Variants in PLCB4 observed in about 807,000 individuals in gnomAD.
PLCB4 encodes the protein 1-phosphatidylinositol 4,5-bisphosphate phosphodiesterase beta-4.
PLCB4 carries 77 observed loss-of-function variants against 178.8 expected under a neutral mutation model. That is an observed-to-expected ratio of 0.43 (90% confidence interval 0.36 to 0.52). PLCB4 has a LOEUF of 0.52. Among genes scored for constraint, PLCB4 ranks in the 20% least tolerant of loss-of-function variants. The probability of loss-of-function intolerance (pLI) is 0.00; values close to 1 mark genes in which losing one functional copy is unlikely to be tolerated. For missense variants in PLCB4, 1,024 were observed against 1,453.4 expected, an observed-to-expected ratio of 0.70 and a Z score of 4.80; for synonymous variants, 496 against 490.8, an observed-to-expected ratio of 1.01 and a Z score of -0.14.
rs188553237 is a variant in PLCB4 at position 9,405,687 on chromosome 20, G to A, written c.1647+339G>A. Among the ~76,000 whole-genome samples the A allele has an allele frequency of 1.5e-3, 235 of 152,302 alleles. No homozygotes were observed. The Middle Eastern group carries it at 0.031, about 20-fold the overall frequency. ...TACATTGACATTCTGGAAGATCACT[G>A]ATTAATTTTACACTGCATAACTTCT... is the stretch of plus-strand genomic sequence containing the variant. On this transcript the variant is annotated intron_variant, in intron 21 of 39. Coordinates refer to ENST00000378473, the MANE Select transcript of PLCB4 (RefSeq NM_001377142.1).
chr20:9,411,238 T>A, intron 25 of PLCB4, 150 bp downstream of exon 25: 1 of 607,498 alleles, frequency 1.6e-6, no homozygotes, highest in South Asian at 2.2e-5. Context: ...TAGAGAATAT[T>A]TGCACATATA....
intron 35 of PLCB4, among the ~76,000 whole-genome samples, chr20:9,463,705 G>A (rs1029959979): frequency 6.6e-6 from 1 of 151,866 alleles, no homozygotes; most frequent in Admixed American, 6.6e-5. Flanking sequence ...AATGGTAAAG[G>A]GATCAATTCA....
intron 2 of PLCB4, among the ~76,000 whole-genome samples, chr20:9,115,683 T>C (rs2091756883): frequency 6.7e-6 from 1 of 150,166 alleles, no homozygotes; most frequent in Non-Finnish European, 1.5e-5. Context: ...GCGGTAAAAC[T>C]TCTTATAGTA....
chr20:9,318,145 A>G (rs35658973), intron 4 of PLCB4, among the ~76,000 whole-genome samples: 18,376 of 151,926 alleles, frequency 0.12, 1,204 homozygotes, highest in South Asian at 0.19. Flanking sequence ...ACAGAGTAAG[A>G]TTCTGTCTCA....
At chr20:9,168,827 G>T (rs1004579217) in intron 2 of PLCB4, among the ~76,000 whole-genome samples, 5 of 152,098 alleles carry the variant, frequency 3.3e-5, no homozygotes, top group Admixed American at 3.3e-4. Flanking sequence ...GTTTTCTCTG[G>T]TAGAAATGTG....
chr20:9,166,095 G>T (rs2147006335), intron 2 of PLCB4, among the ~76,000 whole-genome samples: 1 of 152,274 alleles, frequency 6.6e-6, no homozygotes, highest in African/African-American at 2.4e-5. Flanking sequence ...TTGGAACAGA[G>T]ATTATGAATA....
chr20:9,094,888 C>T (rs1056633540), intron 1 of PLCB4, among the ~76,000 whole-genome samples: 9 of 152,166 alleles, frequency 5.9e-5, no homozygotes, highest in Admixed American at 1.3e-4. Context: ...GTTAGCAGAG[C>T]TTACCTGCAA....
At chr20:9,438,552 A>G (rs1182025938) in intron 30 of PLCB4, among the ~76,000 whole-genome samples, 1 of 152,100 alleles carries the variant, frequency 6.6e-6, no homozygotes, top group East Asian at 1.9e-4. Flanking sequence ...TTGGTTCTGT[A>G]TATCACTGAG....
chr20:9,390,478 C>G (rs976061552), intron 16 of PLCB4, 53 bp from the exon 17 acceptor site: 10 of 840,134 alleles, frequency 1.2e-5, no homozygotes, highest in Non-Finnish European at 2.0e-5. Context: ...GTTTCTTATT[C>G]TTGGACGGTT....
At position 9,191,974 on chromosome 20, in the gene PLCB4, C is replaced by T. The variant is rs901749761; in HGVS notation, c.-78-25416C>T. Among the ~76,000 whole-genome samples the T allele has an allele frequency of 1.2e-4, 18 of 151,352 alleles. 1 individual carries two copies. The highest frequency in any genetic ancestry group is 4.4e-4 in the African/African-American group (18 of 41,120). On this transcript the variant is annotated intron_variant, in intron 2 of 39. Coordinates refer to ENST00000378473, the MANE Select transcript of PLCB4 (RefSeq NM_001377142.1). Reference sequence around the variant, plus strand: ...TCTGTCATTTTTCTGCCAAACCCTTCTGACTTTTTAGCTGTGCTACCACCA... The same window carrying T: ...TCTGTCATTTTTCTGCCAAACCCTTTTGACTTTTTAGCTGTGCTACCACCA...
At chr20:9,402,547 A>T (rs563782879) in intron 20 of PLCB4, among the ~76,000 whole-genome samples, 135 of 152,344 alleles carry the variant, frequency 8.9e-4, no homozygotes, top group African/African-American at 2.9e-3. Context: ...CAAGTTTTAA[A>T]AGATTGCTGT....
intron 3 of PLCB4, among the ~76,000 whole-genome samples, chr20:9,227,665 CATTG>C (rs942112161): frequency 3.3e-5 from 5 of 151,936 alleles, no homozygotes; most frequent in Non-Finnish European, 5.9e-5. Context: ...TTCTAAATTC[CATTG>C]CATTGTTCTG....
At chr20:9,150,218 T>C (rs2092668932) in intron 2 of PLCB4, among the ~76,000 whole-genome samples, 1 of 152,160 alleles carries the variant, frequency 6.6e-6, no homozygotes, top group African/African-American at 2.4e-5. Flanking sequence ...GCGTACCACT[T>C]GGTGAATGCT....
At chr20:9,468,334 A>G (rs2043945013) in intron 35 of PLCB4, among the ~76,000 whole-genome samples, 1 of 152,220 alleles carries the variant, frequency 6.6e-6, no homozygotes, top group Non-Finnish European at 1.5e-5. Context: ...TCATATTGCT[A>G]TAAACAGAAG....
At chr20:9,414,689 G>T (rs991756431) in intron 25 of PLCB4, among the ~76,000 whole-genome samples, 1 of 152,160 alleles carries the variant, frequency 6.6e-6, no homozygotes, top group East Asian at 1.9e-4. Flanking sequence ...GTGGGAGGAC[G>T]CACCACTGGG....
chr20:9,472,889 A>C, intron 37 of PLCB4, 42 bp downstream of exon 37: 3 of 1,136,234 alleles, frequency 2.6e-6, no homozygotes, highest in Non-Finnish European at 2.6e-6. Flanking sequence ...CCTTTAAAAA[A>C]CTATAAACAA....
chr20:9,167,113 G>A (rs2092986440), intron 2 of PLCB4, among the ~76,000 whole-genome samples: 1 of 151,798 alleles, frequency 6.6e-6, no homozygotes, highest in African/African-American at 2.4e-5. Flanking sequence ...GGTATGATTT[G>A]CTTGGCTGGT....
At chr20:9,106,870 G>A (rs1208689649) in intron 2 of PLCB4, among the ~76,000 whole-genome samples, 1 of 152,112 alleles carries the variant, frequency 6.6e-6, no homozygotes, top group African/African-American at 2.4e-5. Context: ...AACATCTTTG[G>A]TGATAGAGAA....
In PLCB4 at chr20:9,293,554, A is replaced by G. The variant is rs146137808; in HGVS notation, c.-15-14246A>G. On this transcript the variant is annotated intron_variant, in intron 3 of 39. Coordinates refer to ENST00000378473, the MANE Select transcript of PLCB4 (RefSeq NM_001377142.1). ...ATTAAGTGTGTGTTTGTGTAAGAGA[A>G]GAGTCCATTGTCCTTTCTGCCTTGA... 1.4e-3 allele frequency among the ~76,000 whole-genome samples: 219 copies of G among 152,278 alleles called. 1 individual carries two copies. The highest frequency in any genetic ancestry group is 2.4e-3 in the Non-Finnish European group (165 of 68,020).
Sources: gnomAD v4.1 joint callset for allele counts (sites outside exome capture counted in the v4.1 genomes callset) on GRCh38, gnomAD v4.1.1 for gene constraint, MANE v1.5 for transcripts, NCBI Gene and HGNC (gene_info 2026-07-23, HGNC 2026-07-21) for gene names.